GCLC: variants seen among roughly 807,000 people sequenced by gnomAD.
The protein encoded by GCLC is glutamate-cysteine ligase catalytic subunit, also known as glutamate--cysteine ligase catalytic subunit.
A neutral mutation model predicts 81.5 loss-of-function variants in GCLC; 30 were observed. The observed-to-expected ratio is 0.37, with a 90% CI of 0.28 to 0.50. GCLC has a LOEUF of 0.50. Among genes scored for constraint, GCLC ranks in the 20% least tolerant of loss-of-function variants. The pLI is 0.96. For synonymous variants in GCLC, 262 were observed against 273.3 expected, an observed-to-expected ratio of 0.96 and a Z score of 0.41; for missense variants, 556 against 777.4, an observed-to-expected ratio of 0.72 and a Z score of 3.39.
chr6:53,521,578 C>T (rs1762995400), intron 2 of GCLC, among the ~76,000 whole-genome samples: 1 of 152,176 alleles, frequency 6.6e-6, no homozygotes, highest in African/African-American at 2.4e-5. Flanking sequence ...GCCCTCCAAA[C>T]TCAAATGCAG....
chr6:53,531,184 T>C (rs1412676707), intron 1 of GCLC, among the ~76,000 whole-genome samples: 1 of 152,210 alleles, frequency 6.6e-6, no homozygotes, highest in Non-Finnish European at 1.5e-5. Context: ...AGTGATACAC[T>C]GATTGACACA....
At chr6:53,507,454 C>CATTCTATACT in intron 9 of GCLC, 26 bp downstream of exon 9, 1 of 1,611,802 alleles carries the variant, frequency 6.2e-7, no homozygotes, top group South Asian at 1.1e-5. Context: ...TACATTCAAA[C>CATTCTATACT]CCAGAAAGAT....
chr6:53,539,852 G>A (rs570910772), intron 1 of GCLC, among the ~76,000 whole-genome samples: 1 of 152,242 alleles, frequency 6.6e-6, no homozygotes, highest in Non-Finnish European at 1.5e-5. Flanking sequence ...ACACAAACAA[G>A]CTCTCTTGCA....
intron 1 of GCLC, among the ~76,000 whole-genome samples, chr6:53,542,110 G>A (rs1411634838): frequency 6.6e-6 from 1 of 152,166 alleles, no homozygotes; most frequent in Non-Finnish European, 1.5e-5. Context: ...TCCTGCCTGG[G>A]CCTTCCAAAG....
In GCLC at chr6:53,497,565, TAC is replaced by T. The variant is rs1283975132; in HGVS notation, c.*1189_*1190del. Reference sequence around the variant, plus strand: ...TTGCAATCTCTTCAAGTTAGCATATTACAGTTTAAATATTTATGCCTGTAAAG... The same window carrying T: ...TTGCAATCTCTTCAAGTTAGCATATTAGTTTAAATATTTATGCCTGTAAAG... On this transcript the variant is annotated 3_prime_UTR_variant, in exon 16 of 16. Coordinates refer to ENST00000650454, the MANE Select transcript of GCLC (RefSeq NM_001498.4). The T allele has an allele frequency of 6.6e-6, 1 of 152,608 alleles. No homozygotes were observed. Among genetic ancestry groups the T allele is most frequent in the East Asian group, 1.9e-4 (1 of 5,196 alleles). 9.5% of individuals were successfully genotyped at this position (152,608 alleles called of 1,614,324 possible).
intron 12 of GCLC, chr6:53,501,457 A>G (rs865868078): frequency 3.3e-5 from 5 of 152,258 alleles, no homozygotes; most frequent in East Asian, 3.8e-4. Flanking sequence ...TGTATCTCCA[A>G]TGACTTTTTA....
chr6:53,541,304 C>T (rs530417957), intron 1 of GCLC, among the ~76,000 whole-genome samples: 4 of 152,228 alleles, frequency 2.6e-5, no homozygotes, highest in East Asian at 1.9e-4. Context: ...GTAGAACAAG[C>T]GCGGGGGAGA....
chr6:53,502,768 T>G (rs1764537475), intron 12 of GCLC, among the ~76,000 whole-genome samples: 1 of 152,210 alleles, frequency 6.6e-6, no homozygotes, highest in African/African-American at 2.4e-5. Context: ...TCTATTCAAA[T>G]TTGTTTTCAT....
intron 6 of GCLC, among the ~76,000 whole-genome samples, chr6:53,511,205 G>C (rs539428755): frequency 6.8e-6 from 1 of 147,404 alleles, no homozygotes; most frequent in Non-Finnish European, 1.5e-5. Flanking sequence ...AAAAAGTGGG[G>C]GGGGGGTGCT....
Position 53,516,082 on chromosome 6 carries a change from T to C in GCLC, c.560+27A>G, listed in dbSNP as rs764183968. 8.6e-6 allele frequency: 11 copies of C among 1,285,468 alleles called. No individual in the cohort carries two copies. In the South Asian group the frequency reaches 1.3e-4, roughly 15 times the overall value. 79.6% of individuals were successfully genotyped at this position (1,285,468 alleles called of 1,614,324 possible). ...AGTCAGGGGTCTAGTGAAGGGCATC[T>C]GCATTTCAACACAAAGCCATACTCA... is the stretch of plus-strand genomic sequence containing the variant. On this transcript the variant is annotated intron_variant, in intron 4 of 15. Transcript: ENST00000650454.
At chr6:53,539,038 G>T (rs1763307858) in intron 1 of GCLC, among the ~76,000 whole-genome samples, 1 of 152,210 alleles carries the variant, frequency 6.6e-6, no homozygotes, top group Admixed American at 6.5e-5. Context: ...AGGTCTGGCA[G>T]GCAGCTAACA....
chr6:53,500,358 A>G lies in GCLC; in HGVS notation c.1478-8T>C. 6.2e-7 allele frequency: 1 copy of G among 1,613,732 alleles called. No individual in the cohort carries two copies. The highest frequency in any genetic ancestry group is 8.5e-7 in the Non-Finnish European group (1 of 1,179,644). On this transcript the variant is annotated splice_polypyrimidine_tract_variant and splice_region_variant and intron_variant, in intron 13 of 15. Coordinates refer to ENST00000650454, the MANE Select transcript of GCLC (RefSeq NM_001498.4). ...CCACCACTGCATTGCCACCTGCCGG[A>G]GAAGAGGGTCAGGGGAGCTTTAGCA...
intron 12 of GCLC, among the ~76,000 whole-genome samples, chr6:53,504,326 T>C (rs1044336904): frequency 6.6e-6 from 1 of 152,036 alleles, no homozygotes; most frequent in African/African-American, 2.4e-5. Context: ...GCAGAGATTA[T>C]AGATTTGCGC....
chr6:53,501,642 T>C (rs1442244634), intron 12 of GCLC, among the ~76,000 whole-genome samples: 7 of 152,254 alleles, frequency 4.6e-5, no homozygotes, highest in Non-Finnish European at 7.3e-5. Flanking sequence ...ATATTCATTA[T>C]GCAGGGAGTG....
chr6:53,521,195 C>A (rs1257194047), intron 2 of GCLC, among the ~76,000 whole-genome samples: 1 of 152,112 alleles, frequency 6.6e-6, no homozygotes, highest in African/African-American at 2.4e-5. Flanking sequence ...CGCTCTGTCA[C>A]CCAGGCTGGA....
chr6:53,515,530 C>G (rs1002905097), intron 4 of GCLC, among the ~76,000 whole-genome samples: 38 of 152,348 alleles, frequency 2.5e-4, no homozygotes, highest in African/African-American at 8.7e-4. Context: ...TGTTCCCACT[C>G]TGGATCAGGA....
chr6:53,526,969 G>C (rs1763094139), intron 1 of GCLC, among the ~76,000 whole-genome samples: 1 of 152,134 alleles, frequency 6.6e-6, no homozygotes, highest in Non-Finnish European at 1.5e-5. Flanking sequence ...AAGTTCTTTT[G>C]TCAGTTTCTC....
intron 3 of GCLC, among the ~76,000 whole-genome samples, chr6:53,519,085 C>T (rs1762937389): frequency 6.6e-6 from 1 of 152,234 alleles, no homozygotes; most frequent in African/African-American, 2.4e-5. Flanking sequence ...TACTCTCACA[C>T]TACAGCCCAA....
intron 3 of GCLC, among the ~76,000 whole-genome samples, chr6:53,517,255 T>G (rs1405760462): frequency 1.5e-4 from 13 of 89,302 alleles, no homozygotes; most frequent in African/African-American, 5.8e-4. Context: ...CCAAGTTTTT[T>G]TTTTTTTTTT....
Sources: allele counts gnomAD v4.1 joint callset (sites outside exome capture counted in the v4.1 genomes callset), GRCh38; gene constraint gnomAD v4.1.1; transcripts MANE v1.5; gene names NCBI Gene and HGNC (gene_info 2026-07-23, HGNC 2026-07-21).